CRYBG3: variants seen among roughly 807,000 people sequenced by gnomAD.
CRYBG3 encodes crystallin beta-gamma domain containing 3, also known as very large A-kinase anchor protein.
CRYBG3 carries 127 observed loss-of-function variants against 244.2 expected under a neutral mutation model. The ratio of observed to expected loss-of-function variants is 0.52; its 90% confidence interval spans 0.45 to 0.60. CRYBG3 has a LOEUF of 0.60. Ranked by LOEUF, CRYBG3 falls within the 20% of genes least tolerant of loss-of-function variation. CRYBG3 has a pLI of 0.00. For missense variants in CRYBG3, 3,325 were observed against 3,442.5 expected (o/e 0.97, Z 0.85); for synonymous variants, 1,132 against 1,195.8 (o/e 0.95, Z 1.10).
intron 15 of CRYBG3, among the ~76,000 whole-genome samples, chr3:97,909,435 C>G (rs1291468178): frequency 1.4e-4 from 21 of 149,844 alleles, no homozygotes; most frequent in Non-Finnish European, 1.3e-4. Context: ...TTCTTGGAGG[C>G]TTTGCTCATT....
chr3:97,909,830 T>C (rs2039841325), intron 15 of CRYBG3, among the ~76,000 whole-genome samples: 1 of 147,870 alleles, frequency 6.8e-6, no homozygotes, highest in Admixed American at 6.7e-5. Context: ...CGCTCTGCTT[T>C]TTAGAGTTTC....
chr3:97,942,588 GT>G, intron 21 of CRYBG3, 145 bp downstream of exon 21: 2 of 752,392 alleles, frequency 2.7e-6, no homozygotes, highest in Non-Finnish European at 4.1e-6. Context: ...AAGATAGGCA[GT>G]TTTACAAACA....
chr3:97,832,299 T>A (rs1347321377), intron 1 of CRYBG3, among the ~76,000 whole-genome samples: 1 of 148,560 alleles, frequency 6.7e-6, no homozygotes, highest in East Asian at 2.0e-4. Flanking sequence ...GGAGGTATCA[T>A]GCTACCTGAC....
intron 15 of CRYBG3, 57 bp from the exon 16 acceptor site, chr3:97,912,110 C>A (rs534490184): frequency 1.2e-6 from 1 of 807,192 alleles, no homozygotes; most frequent in South Asian, 1.9e-5. Flanking sequence ...TTTATTTGCT[C>A]GTGATCATCT....
Position 97,874,067 on chromosome 3 carries a change from A to G in CRYBG3, c.2873A>G (p.Gln958Arg). The G allele has an allele frequency of 6.5e-7, 1 of 1,535,972 alleles. No homozygotes were observed. Among genetic ancestry groups the G allele is most frequent in the Non-Finnish European group, 8.7e-7 (1 of 1,146,840 alleles). The change falls in exon 4 of 22, where the codon CAG (glutamine) becomes CGG (arginine). Residue 958 changes from glutamine to arginine, a missense_variant. Gln to Arg is a conservative substitution (Grantham distance 43, BLOSUM62 1). This residue lies in a region of CRYBG3 where 1,526 missense variants were observed against 1,443.2 expected (regional missense o/e 1.06). Transcript: ENST00000389622. ...GAAAAAATCAGTAGGCAAATGGCGC[A>G]GAATTGTGAAGCTCACACTTGTGTG... The part of the protein sequence containing the change: ...HDEKISRQMA[Q>R]NCEAHTCVFH...
intron 12 of CRYBG3, among the ~76,000 whole-genome samples, chr3:97,897,153 G>T (rs955133333): frequency 6.6e-6 from 1 of 151,258 alleles, no homozygotes. Context: ...CAGACTTTAC[G>T]CCTCTTTTCA....
intron 15 of CRYBG3, among the ~76,000 whole-genome samples, chr3:97,910,756 C>T (rs1187501828): frequency 6.6e-6 from 1 of 152,216 alleles, no homozygotes; most frequent in Non-Finnish European, 1.5e-5. Flanking sequence ...CCTATTCGGC[C>T]ATCTTGGCTC....
At chr3:97,932,123 A>G (rs1363394428) in intron 17 of CRYBG3, among the ~76,000 whole-genome samples, 3 of 152,178 alleles carry the variant, frequency 2.0e-5, no homozygotes, top group East Asian at 3.9e-4. Context: ...TCTCTTACAC[A>G]GTCTTCCCAA....
chr3:97,890,582 A>T (rs1456610708), intron 10 of CRYBG3, among the ~76,000 whole-genome samples: 1 of 152,174 alleles, frequency 6.6e-6, no homozygotes, highest in Non-Finnish European at 1.5e-5. Context: ...AACATGTATT[A>T]AACCCAAATA....
intron 2 of CRYBG3, among the ~76,000 whole-genome samples, chr3:97,856,652 A>G (rs1199137787): frequency 6.6e-6 from 1 of 152,198 alleles, no homozygotes; most frequent in Non-Finnish European, 1.5e-5. Flanking sequence ...GACTTCCCAC[A>G]ACATCCAGGA....
chr3:97,862,073 AGG>A (rs1295857670), intron 2 of CRYBG3, among the ~76,000 whole-genome samples: 7 of 136,762 alleles, frequency 5.1e-5, no homozygotes, highest in Non-Finnish European at 1.6e-5. Context: ...CAGACAGTTA[AGG>A]GGAAGGAGAA....
chr3:97,856,147 A>T (rs544207309), intron 2 of CRYBG3, among the ~76,000 whole-genome samples: 11 of 152,088 alleles, frequency 7.2e-5, no homozygotes. Context: ...TCTCTTTACC[A>T]GGGATGTTCC....
In CRYBG3 at chr3:97,872,206, T is replaced by A; in HGVS notation, c.1012T>A (p.Trp338Arg). Residue 338 changes from tryptophan (W) to arginine (R), a missense_variant, in exon 4 of 22, where the codon TGG becomes AGG. Physicochemically the swap from Trp to Arg is moderately radical, Grantham distance 101. This residue lies in a region of CRYBG3 where 1,526 missense variants were observed against 1,443.2 expected (regional missense o/e 1.06). Coordinates refer to ENST00000389622, the MANE Select transcript of CRYBG3 (RefSeq NM_153605.4). Reference sequence around the variant, plus strand: ...CAATAATCTTTTAAATAAAAATGCTTGGGGGAGTATTGAGAGAAATAGGTC... The same window carrying A: ...CAATAATCTTTTAAATAAAAATGCTAGGGGGAGTATTGAGAGAAATAGGTC... ...SSNNLLNKNA[W>R]GSIERNRSSP... 6.5e-7 allele frequency: 1 copy of A among 1,535,758 alleles called. No homozygotes were observed. Among genetic ancestry groups the A allele is most frequent in the Non-Finnish European group, 8.7e-7 (1 of 1,146,652 alleles).
intron 1 of CRYBG3, among the ~76,000 whole-genome samples, chr3:97,839,879 C>T (rs1269829467): frequency 6.6e-6 from 1 of 152,004 alleles, no homozygotes; most frequent in Non-Finnish European, 1.5e-5. Flanking sequence ...CCGCACCTGG[C>T]CTGGTTATAG....
chr3:97,827,313 T>G (rs1054616905), intron 1 of CRYBG3, among the ~76,000 whole-genome samples: 5 of 152,178 alleles, frequency 3.3e-5, no homozygotes, highest in Non-Finnish European at 7.3e-5. Flanking sequence ...ATTAGTAACA[T>G]TCAGCTAGGG....
intron 7 of CRYBG3, among the ~76,000 whole-genome samples, chr3:97,883,387 CTTGTGGTT>C (rs1171902377): frequency 6.6e-6 from 1 of 152,096 alleles, no homozygotes; most frequent in Non-Finnish European, 1.5e-5. Context: ...ATTTATATCA[CTTGTGGTT>C]TTGTGCTTTC....
chr3:97,881,539 A>C (rs1427198906), intron 7 of CRYBG3, among the ~76,000 whole-genome samples: 1 of 150,020 alleles, frequency 6.7e-6, no homozygotes, highest in East Asian at 2.0e-4. Flanking sequence ...AACATGGTGA[A>C]ACCCTGTCTC....
rs1271800762 is a variant in CRYBG3 at position 97,905,545 on chromosome 3, T to G, written c.8004+5060T>G. 2.6e-5 allele frequency among the ~76,000 whole-genome samples: 4 copies of G among 152,166 alleles called. No homozygotes were observed. In the East Asian group the frequency reaches 7.7e-4, roughly 29 times the overall value. On this transcript the variant is annotated intron_variant, in intron 15 of 21. Transcript: ENST00000389622. The stretch of plus-strand genomic sequence containing the variant: ...GTTTTGGCTGCATAAATGTCTTCTT[T>G]TGAGAAGTGTCTGTTCAAGTCCTTT...
At position 97,864,609 on chromosome 3, in the gene CRYBG3, A is replaced by G. The variant is rs1408239770; in HGVS notation, c.609A>G (p.Thr203=). 3 of 1,532,000 alleles carry G rather than the reference A, an allele frequency of 2.0e-6. No homozygotes were observed. The highest frequency in any genetic ancestry group is 2.0e-5 in the Admixed American group (1 of 50,530). The allele number at this position is 1,532,000 out of a possible 1,614,324, so 94.9% of individuals were successfully genotyped here. A position where few individuals can be genotyped will look rare whatever the true frequency, so the allele number is the denominator to read the frequency against. Residue 203 remains threonine (T), a synonymous_variant, in exon 3 of 22, where the codon ACA becomes ACG. Coordinates refer to ENST00000389622, the MANE Select transcript of CRYBG3 (RefSeq NM_153605.4). ...SELSDAFSLD[T]TQDSDQETTN... is the part of the protein sequence containing the mutation. ...TCTCAGATGCTTTTTCTTTGGATAC[A>G]ACACAAGACAGTGACCAAGAAACCA...
Sources: gnomAD v4.1 joint callset for allele counts (sites outside exome capture counted in the v4.1 genomes callset) on GRCh38, gnomAD v4.1.1 for gene constraint, gnomAD v4.1.1 regional missense constraint, MANE v1.5 for transcripts, NCBI Gene and HGNC (gene_info 2026-07-23, HGNC 2026-07-21) for gene names.